The following EYS variants were observed in gnomAD, a reference collection of about 807,000 sequenced individuals.
EYS encodes the protein EGF-like photoreceptor maintenance factor.
A neutral mutation model predicts 282.1 loss-of-function variants in EYS; 250 were observed. The ratio of observed to expected loss-of-function variants is 0.89; its 90% CI spans 0.80 to 0.98. The LOEUF is 0.98. Ranked by LOEUF, EYS falls within the 50% of genes least tolerant of loss-of-function variation. The pLI, the probability that EYS is intolerant of heterozygous loss-of-function variation, is 0.00. For synonymous variants in EYS, 1,355 were observed against 1,282.9 expected (o/e 1.06, Z -1.20); for missense variants, 4,016 against 3,709.0 (o/e 1.08, Z -2.15).
chr6:63,927,252 G>A (rs1159432159), intron 35 of EYS, among the ~76,000 whole-genome samples: 1 of 152,172 alleles, frequency 6.6e-6, no homozygotes, highest in Admixed American at 6.5e-5. Context: ...CTAGCTCAAT[G>A]TTACTAATCA....
chr6:64,398,535 C>T (rs1316499372), intron 28 of EYS, among the ~76,000 whole-genome samples: 1 of 151,788 alleles, frequency 6.6e-6, no homozygotes, highest in Non-Finnish European at 1.5e-5. Context: ...AATATACACA[C>T]GTTCAAACAT....
At chr6:63,969,528 A>G (rs376824446) in intron 35 of EYS, among the ~76,000 whole-genome samples, 1 of 152,258 alleles carries the variant, frequency 6.6e-6, no homozygotes, top group South Asian at 2.1e-4. Flanking sequence ...TAATTATTAT[A>G]GAATCCTTCA....
intron 1 of EYS, among the ~76,000 whole-genome samples, chr6:65,642,855 C>A (rs1031237352): frequency 6.6e-6 from 1 of 152,222 alleles, no homozygotes; most frequent in Non-Finnish European, 1.5e-5. Context: ...AAACACCTAG[C>A]CTCCAGAAAA....
At chr6:64,212,710 C>T (rs919553709) in intron 31 of EYS, among the ~76,000 whole-genome samples, 8 of 151,872 alleles carry the variant, frequency 5.3e-5, no homozygotes, top group African/African-American at 1.9e-4. Context: ...GACTATTTTT[C>T]AAAGACCTAA....
At chr6:63,757,146 G>T (rs1371199975) in intron 41 of EYS, among the ~76,000 whole-genome samples, 2 of 151,988 alleles carry the variant, frequency 1.3e-5, no homozygotes, top group Non-Finnish European at 2.9e-5. Flanking sequence ...GTGCAAGTAG[G>T]GAAGATATTG....
rs535265847 is a variant in EYS at position 64,525,281 on chromosome 6, C to T, written c.5644+64942G>A. ...AAGACATGAAATCAACCTAAATGCC[C>T]ATCAATGACAGACCGGATAAAGAAT... On this transcript the variant is annotated intron_variant, in intron 26 of 42. Transcript: ENST00000503581. Among the ~76,000 whole-genome samples the T allele has an allele frequency of 9.9e-5, 15 of 151,820 alleles. No individual in the cohort carries two copies. In the South Asian group the frequency reaches 1.2e-3, roughly 13 times the overall value.
At chr6:63,730,159 T>C (rs1469942335) in intron 41 of EYS, among the ~76,000 whole-genome samples, 4 of 152,204 alleles carry the variant, frequency 2.6e-5, no homozygotes, top group African/African-American at 9.7e-5. Flanking sequence ...CCCAATATAA[T>C]GCATTAATAG....
chr6:64,968,868 C>T (rs1454593175), intron 14 of EYS, among the ~76,000 whole-genome samples: 3 of 152,134 alleles, frequency 2.0e-5, no homozygotes, highest in East Asian at 3.9e-4. Flanking sequence ...TGCTCTTCTT[C>T]CAACCCCAGA....
intron 12 of EYS, among the ~76,000 whole-genome samples, chr6:65,212,005 T>C (rs1158098376): frequency 6.6e-6 from 1 of 151,916 alleles, no homozygotes; most frequent in Admixed American, 6.6e-5. Flanking sequence ...CCACTGTGAT[T>C]ATGGAAAACA....
intron 31 of EYS, among the ~76,000 whole-genome samples, chr6:64,225,159 T>C (rs934057123): frequency 6.6e-6 from 1 of 152,096 alleles, no homozygotes; most frequent in African/African-American, 2.4e-5. Context: ...CATCCTTTGA[T>C]ACATTTTCTA....
At chr6:64,596,645 T>C (rs1766596162) in intron 24 of EYS, among the ~76,000 whole-genome samples, 1 of 152,126 alleles carries the variant, frequency 6.6e-6, no homozygotes, top group Non-Finnish European at 1.5e-5. Flanking sequence ...CAGGGAAAAC[T>C]GGATACTCAT....
intron 30 of EYS, among the ~76,000 whole-genome samples, chr6:64,303,669 C>T (rs539108191): frequency 1.3e-5 from 2 of 151,392 alleles, no homozygotes; most frequent in East Asian, 2.0e-4. Context: ...GGTGAAACCC[C>T]GTCTCTACTA....
chr6:64,467,783 C>G (rs571751281), intron 26 of EYS, among the ~76,000 whole-genome samples: 9 of 152,128 alleles, frequency 5.9e-5, no homozygotes, highest in Non-Finnish European at 1.3e-4. Context: ...GCCCACCCCA[C>G]CCACAGCTGG....
intron 29 of EYS, among the ~76,000 whole-genome samples, chr6:64,375,236 T>C (rs1582669118): frequency 6.6e-6 from 1 of 152,198 alleles, no homozygotes; most frequent in African/African-American, 2.4e-5. Flanking sequence ...TATAAGAATA[T>C]GTATGGCAAG....
chr6:65,161,283 T>C (rs1317830959), intron 12 of EYS, among the ~76,000 whole-genome samples: 1 of 151,040 alleles, frequency 6.6e-6, no homozygotes, highest in Non-Finnish European at 1.5e-5. Flanking sequence ...GTGATATTGC[T>C]ATTATTCATC....
intron 1 of EYS, among the ~76,000 whole-genome samples, chr6:65,649,165 A>G (rs1767564302): frequency 6.6e-6 from 1 of 151,284 alleles, no homozygotes; most frequent in Non-Finnish European, 1.5e-5. Context: ...AAAAGGAAAA[A>G]AGAAAAACTT....
chr6:65,326,497 A>T lies in EYS; in HGVS notation c.1766+8483T>A, dbSNP rs1162288408. ...TAGAATGTTTGATTTAACACCCCAG[A>T]ACATATTTTAATACCTTGTTTTAAT... On this transcript the variant is annotated intron_variant, in intron 11 of 42. Coordinates refer to ENST00000503581, the MANE Select transcript of EYS (RefSeq NM_001142800.2). Among the ~76,000 whole-genome samples, 3 of 151,502 alleles carry T rather than the reference A, an allele frequency of 2.0e-5. No individual in the cohort carries two copies. In the East Asian group the frequency reaches 5.8e-4, roughly 29 times the overall value.
intron 22 of EYS, among the ~76,000 whole-genome samples, chr6:64,674,729 AACACAC>A (rs70999158): frequency 2.7e-5 from 4 of 148,230 alleles, no homozygotes; most frequent in Admixed American, 1.4e-4. Flanking sequence ...TTCTGTCATT[AACACAC>A]ACACACACAC....
At chr6:64,246,994 C>T (rs1767045171) in intron 30 of EYS, among the ~76,000 whole-genome samples, 1 of 151,760 alleles carries the variant, frequency 6.6e-6, no homozygotes, top group African/African-American at 2.4e-5. Flanking sequence ...GAATGCCTTG[C>T]CATTATGGTT....
Sources: gnomAD v4.1 joint callset for allele counts (sites outside exome capture counted in the v4.1 genomes callset) on GRCh38, gnomAD v4.1.1 for gene constraint, MANE v1.5 for transcripts, NCBI Gene and HGNC (gene_info 2026-07-23, HGNC 2026-07-21) for gene names.